Variants in TYW1B observed in about 807,000 individuals in gnomAD.
TYW1B encodes the protein tRNA-yW synthesizing protein 1 homolog B.
A neutral mutation model predicts 86.9 loss-of-function variants in TYW1B; 73 were observed. The observed-to-expected ratio is 0.84, with a 90% CI of 0.70 to 1.02. TYW1B has a LOEUF of 1.02. Among genes scored for constraint, TYW1B ranks in the 50% least tolerant of loss-of-function variants. The pLI is 0.00. For synonymous variants in TYW1B, 248 were observed against 292.8 expected (o/e 0.85, Z 1.56); for missense variants, 637 against 827.4 (o/e 0.77, Z 2.82).
chr7:72,671,345 G>T (rs1485038833), intron 11 of TYW1B, among the ~76,000 whole-genome samples: 25 of 152,134 alleles, frequency 1.6e-4, no homozygotes, highest in Admixed American at 1.0e-3. Flanking sequence ...CCAATTCAAT[G>T]TGTGGTTGAA....
At chr7:72,581,307 C>G (rs1299722674) in intron 13 of TYW1B, among the ~76,000 whole-genome samples, 2 of 149,210 alleles carry the variant, frequency 1.3e-5, no homozygotes, top group Non-Finnish European at 3.0e-5. Flanking sequence ...CCATTGCAAG[C>G]TGCAGAAAAT....
At chr7:72,626,022 A>G (rs1162432182) in intron 12 of TYW1B, among the ~76,000 whole-genome samples, 6 of 151,398 alleles carry the variant, frequency 4.0e-5, no homozygotes, top group Non-Finnish European at 7.4e-5. Flanking sequence ...TCATAAATTA[A>G]AACACCACTA....
chr7:72,625,597 G>A (rs3132430), intron 12 of TYW1B, among the ~76,000 whole-genome samples: 21,146 of 149,262 alleles, frequency 0.14, 2,277 homozygotes, highest in East Asian at 0.55. Context: ...AGGAGCTGGA[G>A]GCTGCTGTGA....
At chr7:72,590,368 G>A (rs1811369079) in intron 13 of TYW1B, among the ~76,000 whole-genome samples, 1 of 152,196 alleles carries the variant, frequency 6.6e-6, no homozygotes, top group Non-Finnish European at 1.5e-5. Flanking sequence ...CTGTGTTCTT[G>A]TCATGGAAGG....
At chr7:72,778,066 A>G (rs1318509784) in intron 6 of TYW1B, among the ~76,000 whole-genome samples, 1 of 152,172 alleles carries the variant, frequency 6.6e-6, no homozygotes, top group African/African-American at 2.4e-5. Flanking sequence ...TTTGTTAAGT[A>G]ACTATATATT....
intron 13 of TYW1B, among the ~76,000 whole-genome samples, chr7:72,600,781 G>A (rs146465370): frequency 6.6e-6 from 1 of 152,018 alleles, no homozygotes; most frequent in Non-Finnish European, 1.5e-5. Context: ...AGGATCCCCT[G>A]AGCCCAGGAA....
chr7:72,825,404 T>C lies in TYW1B; in HGVS notation c.135+1451A>G, dbSNP rs1446218237. Among the ~76,000 whole-genome samples the C allele has an allele frequency of 5.3e-5, 8 of 152,226 alleles. 1 individual carries two copies. Among genetic ancestry groups the C allele is most frequent in the African/African-American group, 1.9e-4 (8 of 41,540 alleles). On this transcript the variant is annotated intron_variant, in intron 2 of 13. Transcript: ENST00000620995. The stretch of plus-strand genomic sequence containing the variant: ...CATAGATGTGTGACGTGAGGCCAGG[T>C]GCAGTGGCTCACGCCTGTAATCCCA...
chr7:72,719,351 C>A (rs1475126444), intron 9 of TYW1B, among the ~76,000 whole-genome samples: 1 of 151,752 alleles, frequency 6.6e-6, no homozygotes, highest in Non-Finnish European at 1.5e-5. Context: ...AAGTTTTGGG[C>A]CGGGCGTGGT....
At chr7:72,606,544 G>T (rs112922755) in intron 13 of TYW1B, among the ~76,000 whole-genome samples, 15,093 of 147,628 alleles carry the variant, frequency 0.1, 737 homozygotes, top group Non-Finnish European at 0.14. Flanking sequence ...CCATACACTC[G>T]AGTGGTGTCA....
At chr7:72,603,563 C>T (rs1394994751) in intron 13 of TYW1B, among the ~76,000 whole-genome samples, 7 of 152,194 alleles carry the variant, frequency 4.6e-5, no homozygotes, top group African/African-American at 1.4e-4. Flanking sequence ...ATATGGACCA[C>T]ACACGGTGAT....
At chr7:72,669,306 G>A (rs1323862151) in intron 11 of TYW1B, among the ~76,000 whole-genome samples, 8 of 151,440 alleles carry the variant, frequency 5.3e-5, no homozygotes, top group Middle Eastern at 6.8e-3. Flanking sequence ...CACCACGCCC[G>A]GCTAATTTTT....
chr7:72,616,685 A>G lies in TYW1B; in HGVS notation c.1772T>C (p.Ile591Thr). The change falls in exon 13 of 14, where the codon ATA becomes ACA. Residue 591 changes from isoleucine to threonine, a missense_variant. By Grantham distance (89) the Ile-to-Thr change is moderately conservative (BLOSUM62 -1). Coordinates refer to ENST00000620995, the MANE Select transcript of TYW1B (RefSeq NM_001145440.3). ...CEHEHSNCLL[I>T]AHRKFKIGGE... ...AGTTATTCTTACCTTTCTGTGTGCT[A>G]TCAGGAGGCAATTAGAGTGTTCGTG... is the stretch of plus-strand genomic sequence containing the variant. 6.2e-7 allele frequency: 1 copy of G among 1,614,146 alleles called. No homozygotes were observed. Among genetic ancestry groups the G allele is most frequent in the East Asian group, 2.2e-5 (1 of 44,890 alleles).
At chr7:72,751,128 C>T (rs1787493431) in intron 7 of TYW1B, among the ~76,000 whole-genome samples, 1 of 151,758 alleles carries the variant, frequency 6.6e-6, no homozygotes, top group Non-Finnish European at 1.5e-5. Flanking sequence ...ACCTCCACCT[C>T]CTGGGTTCAA....
rs1788514764 is a variant in TYW1B, at chr7:72,807,249, C to T, written c.540G>A (p.Glu180=). The part of the protein sequence containing the change: ...DVVKSKHGSI[E]ANFRAWKTKF... ...TGGTCTTCCATGCTCTGAAGTTGGC[C>T]TCAATGCTGCCGTGCTTGCTTTTAA... Residue 180 remains glutamate, a synonymous_variant, in exon 5 of 14, where the codon GAG becomes GAA. Coordinates refer to ENST00000620995, the MANE Select transcript of TYW1B (RefSeq NM_001145440.3). The T allele has an allele frequency of 1.9e-6, 3 of 1,614,138 alleles. No homozygotes were observed. The highest frequency in any genetic ancestry group is 2.5e-6 in the Non-Finnish European group (3 of 1,180,034).
At chr7:72,718,055 A>C (rs1269431592) in intron 9 of TYW1B, among the ~76,000 whole-genome samples, 6 of 152,240 alleles carry the variant, frequency 3.9e-5, no homozygotes. Flanking sequence ...AATAGCTAAA[A>C]GTCATGAAAC....
chr7:72,710,586 G>C (rs1786633907), intron 10 of TYW1B, among the ~76,000 whole-genome samples: 1 of 152,164 alleles, frequency 6.6e-6, no homozygotes, highest in Non-Finnish European at 1.5e-5. Context: ...AGCACTTTGG[G>C]AGGCCGAGGC....
At chr7:72,685,318 A>G (rs1217030377) in intron 11 of TYW1B, among the ~76,000 whole-genome samples, 9 of 152,164 alleles carry the variant, frequency 5.9e-5, no homozygotes, top group Admixed American at 2.6e-4. Flanking sequence ...TAACATACTC[A>G]AAACCACAAA....
At chr7:72,624,563 A>T (rs1279552182) in intron 12 of TYW1B, among the ~76,000 whole-genome samples, 1 of 152,192 alleles carries the variant, frequency 6.6e-6, no homozygotes, top group Non-Finnish European at 1.5e-5. Flanking sequence ...TACAGCATCC[A>T]AGGAAGAATC....
intron 6 of TYW1B, among the ~76,000 whole-genome samples, chr7:72,794,413 G>A (rs1218225446): frequency 2.6e-5 from 4 of 151,986 alleles, no homozygotes; most frequent in Admixed American, 6.6e-5. Flanking sequence ...AAAATTAGCC[G>A]GGCGTGGTGG....
Sources: gnomAD v4.1 joint callset for allele counts (sites outside exome capture counted in the v4.1 genomes callset) on GRCh38, gnomAD v4.1.1 for gene constraint, MANE v1.5 for transcripts, NCBI Gene and HGNC (gene_info 2026-07-23, HGNC 2026-07-21) for gene names.